KIFAP3: variants seen among roughly 807,000 people sequenced by gnomAD.
KIFAP3 encodes kinesin associated protein 3.
A neutral mutation model predicts 106.5 loss-of-function variants in KIFAP3; 68 were observed. The observed-to-expected ratio is 0.64, with a 90% CI of 0.53 to 0.78. The LOEUF is 0.78. KIFAP3 is among the 30% of genes least tolerant of loss of function. The pLI, the probability that KIFAP3 is intolerant of heterozygous loss-of-function variation, is 0.00. For synonymous variants in KIFAP3, 320 were observed against 311.5 expected (o/e 1.03, Z -0.29); for missense variants, 780 against 941.8 (o/e 0.83, Z 2.25).
intron 10 of KIFAP3, among the ~76,000 whole-genome samples, chr1:170,013,107 A>C (rs1367081160): frequency 6.6e-6 from 1 of 152,112 alleles, no homozygotes; most frequent in Non-Finnish European, 1.5e-5. Context: ...ACAGCTGTCT[A>C]TGAACCGGGA....
In KIFAP3 at chr1:170,038,326, G is replaced by C; in HGVS notation, c.481C>G (p.Arg161Gly). The change falls in exon 5 of 20, where the codon CGA (arginine) becomes GGA (glycine). Residue 161 changes from arginine (R) to glycine (G), a missense_variant. By Grantham distance (125) the Arg-to-Gly change is moderately radical. Coordinates refer to ENST00000361580, the MANE Select transcript of KIFAP3 (RefSeq NM_014970.4). ...RGSALILQLA[R>G]NPDNLEELLL... ...AGTTCTTCCAAGTTATCAGGATTTCGAGCAAGCTGCAGGATCAAAGCAGAA... is the reference window on the plus strand; with the variant it reads ...AGTTCTTCCAAGTTATCAGGATTTCCAGCAAGCTGCAGGATCAAAGCAGAA... The C allele has an allele frequency of 6.8e-6, 11 of 1,605,912 alleles. No homozygotes were observed. The highest frequency in any genetic ancestry group is 9.3e-6 in the Non-Finnish European group (11 of 1,178,380).
chr1:169,954,112 T>C lies in KIFAP3; in HGVS notation c.2174-2A>G. ...CTCCTTCAGAGGCAATTAATCCATCTAGAAAGAAAAAAAAATGGTAACCAG... is the reference window on the plus strand; with the variant it reads ...CTCCTTCAGAGGCAATTAATCCATCCAGAAAGAAAAAAAAATGGTAACCAG... On this transcript the variant is annotated splice_acceptor_variant, in intron 18 of 19. Transcript: ENST00000361580. LOFTEE classifies it high-confidence loss of function. 1 of 1,587,002 alleles carries C rather than the reference T, an allele frequency of 6.3e-7. No individual in the cohort carries two copies. The highest frequency in any genetic ancestry group is 8.6e-7 in the Non-Finnish European group (1 of 1,156,732).
At chr1:170,047,905 AAAGACTGTC>A (rs1670345634) in intron 2 of KIFAP3, among the ~76,000 whole-genome samples, 1 of 152,210 alleles carries the variant, frequency 6.6e-6, no homozygotes, top group Non-Finnish European at 1.5e-5. Flanking sequence ...CCTAGTGTCA[AAAGACTGTC>A]AAGCAAATGC....
At chr1:169,964,578 G>A (rs1665507859) in intron 17 of KIFAP3, among the ~76,000 whole-genome samples, 1 of 152,102 alleles carries the variant, frequency 6.6e-6, no homozygotes, top group Non-Finnish European at 1.5e-5. Context: ...CTTCTGGTCT[G>A]GTAAGTATAT....
rs1419232549 is a variant in KIFAP3 at position 169,996,004 on chromosome 1, A to G, written c.1184-3749T>C. Among the ~76,000 whole-genome samples the G allele has an allele frequency of 2.0e-5, 3 of 152,226 alleles. No individual in the cohort carries two copies. The East Asian group carries it at 5.8e-4, about 29-fold the overall frequency. On this transcript the variant is annotated intron_variant, in intron 10 of 19. Transcript: ENST00000361580. ...AAGTACAGAGAAGAGTCCAAAAATTATAATAATTTCTACTGGCAGATGAAT... is the reference window on the plus strand; with the variant it reads ...AAGTACAGAGAAGAGTCCAAAAATTGTAATAATTTCTACTGGCAGATGAAT...
intron 15 of KIFAP3, among the ~76,000 whole-genome samples, chr1:169,981,202 G>A (rs1486329012): frequency 6.6e-6 from 1 of 152,154 alleles, no homozygotes; most frequent in Non-Finnish European, 1.5e-5. Context: ...TTAGTTAACT[G>A]CAGTCAACCA....
chr1:170,059,447 C>T (rs1048425688), intron 1 of KIFAP3, among the ~76,000 whole-genome samples: 2 of 152,104 alleles, frequency 1.3e-5, no homozygotes, highest in Non-Finnish European at 2.9e-5. Flanking sequence ...ATACACCCTC[C>T]CAAGACTAAA....
intron 10 of KIFAP3, among the ~76,000 whole-genome samples, chr1:170,009,411 T>TTTA (rs144950904): frequency 0.063 from 9,513 of 151,676 alleles, 370 homozygotes; most frequent in Non-Finnish European, 0.095. Context: ...AAATGCCACT[T>TTTA]TTATTATTAT....
At chr1:169,929,908 G>A (rs781057764) in intron 19 of KIFAP3, among the ~76,000 whole-genome samples, 10 of 152,032 alleles carry the variant, frequency 6.6e-5, no homozygotes, top group Non-Finnish European at 1.3e-4. Context: ...TTTCAATTTA[G>A]TTACTACACT....
intron 18 of KIFAP3, among the ~76,000 whole-genome samples, chr1:169,956,936 T>G (rs1476898766): frequency 6.6e-6 from 1 of 152,174 alleles, no homozygotes; most frequent in African/African-American, 2.4e-5. Context: ...GTTGATTAAG[T>G]AAACTGCAGC....
chr1:169,923,053 A>T, intron 19 of KIFAP3: 1 of 982,526 alleles, frequency 1.0e-6, no homozygotes, highest in Non-Finnish European at 1.2e-6. Context: ...GCCAAAATAC[A>T]TATAACACAT....
Position 170,024,573 on chromosome 1 carries a change from G to C in KIFAP3, c.865C>G (p.Leu289Val). The C allele has an allele frequency of 6.4e-7, 1 of 1,565,992 alleles. No individual in the cohort carries two copies. The highest frequency in any genetic ancestry group is 2.3e-5 in the East Asian group (1 of 43,090). The change falls in exon 9 of 20, where the codon CTT (leucine) becomes GTT (valine). Residue 289 changes from leucine (L) to valine (V), a missense_variant. By Grantham distance (32) the Leu-to-Val change is conservative. Coordinates refer to ENST00000361580, the MANE Select transcript of KIFAP3 (RefSeq NM_014970.4). Reference sequence around the variant, plus strand: ...AGTTCGGTACGAGTATCCTCAGCAAGATTCAGAAGCAAATAAAGAGCAACT... The same window carrying C: ...AGTTCGGTACGAGTATCCTCAGCAACATTCAGAAGCAAATAAAGAGCAACT... ...LRVALYLLLN[L>V]AEDTRTELKM...
intron 19 of KIFAP3, among the ~76,000 whole-genome samples, chr1:169,950,692 C>T (rs74960837): frequency 0.031 from 4,740 of 152,110 alleles, 236 homozygotes; most frequent in African/African-American, 0.11. Context: ...AACAACTTCT[C>T]TTTAATTAAC....
chr1:169,981,886 GA>G (rs1485759531), intron 15 of KIFAP3, 85 bp downstream of exon 15: 20 of 1,122,736 alleles, frequency 1.8e-5, no homozygotes, highest in Non-Finnish European at 2.3e-5. Context: ...GAGAAAAACA[GA>G]TTACAGACTC....
At chr1:170,067,777 T>C (rs1671518338) in intron 1 of KIFAP3, 1 of 152,238 alleles carries the variant, frequency 6.6e-6, no homozygotes, top group Non-Finnish European at 1.5e-5. Context: ...GCCCCTGGGA[T>C]AAATAGTAAT....
chr1:169,983,139 CAA>C lies in KIFAP3; in HGVS notation c.1506+129_1506+130del, dbSNP rs1666615188. 5 of 646,330 alleles carry C rather than the reference CAA, an allele frequency of 7.7e-6. No individual in the cohort carries two copies. The East Asian group carries it at 1.4e-4, about 19-fold the overall frequency. 40.0% of individuals were successfully genotyped at this position (646,330 alleles called of 1,614,324 possible). Reference sequence around the variant, plus strand: ...TTGAGATTTCTAGGTGCTAAACTAACAAAGTTGATAACATAAGAGCAATTTGG... The same window carrying C: ...TTGAGATTTCTAGGTGCTAAACTAACAGTTGATAACATAAGAGCAATTTGG... On this transcript the variant is annotated intron_variant, in intron 13 of 19. Coordinates refer to ENST00000361580, the MANE Select transcript of KIFAP3 (RefSeq NM_014970.4).
chr1:170,039,097 C>G (rs1041803036), intron 4 of KIFAP3, 136 bp downstream of exon 4: 1 of 471,494 alleles, frequency 2.1e-6, no homozygotes, highest in Non-Finnish European at 3.8e-6. Flanking sequence ...GATTTTCTAC[C>G]TTTTCAGGTA....
intron 5 of KIFAP3, among the ~76,000 whole-genome samples, chr1:170,037,331 C>T (rs1237453488): frequency 6.6e-6 from 1 of 152,168 alleles, no homozygotes; most frequent in Non-Finnish European, 1.5e-5. Context: ...TATTTGGCAA[C>T]AACCAGAAAG....
chr1:169,946,351 G>T (rs1054590554), intron 19 of KIFAP3, among the ~76,000 whole-genome samples: 1 of 140,910 alleles, frequency 7.1e-6, no homozygotes, highest in African/African-American at 2.5e-5. Context: ...CCAGTTTGCA[G>T]TAAACCATGT....
Sources: allele counts gnomAD v4.1 joint callset (sites outside exome capture counted in the v4.1 genomes callset), GRCh38; gene constraint gnomAD v4.1.1; transcripts MANE v1.5; gene names NCBI Gene and HGNC (gene_info 2026-07-23, HGNC 2026-07-21).